DGKI: variants seen among roughly 807,000 people sequenced by gnomAD.
DGKI encodes the protein DAG kinase iota.
Under a neutral mutation model 147.5 loss-of-function variants are expected in DGKI, and 55 were observed. The observed-to-expected ratio is 0.37, with a 90% CI of 0.30 to 0.47. The LOEUF (loss-of-function observed/expected upper bound fraction) is 0.47. Among genes scored for constraint, DGKI ranks in the 20% least tolerant of loss-of-function variants. The pLI is 1.00. For synonymous variants in DGKI, 469 were observed against 477.1 expected (o/e 0.98, Z 0.22); for missense variants, 1,007 against 1,323.8 (o/e 0.76, Z 3.71).
chr7:137,717,972 T>C (rs3800636), intron 1 of DGKI, among the ~76,000 whole-genome samples: 71,904 of 152,020 alleles, frequency 0.47, 19,083 homozygotes, highest in African/African-American at 0.72. Context: ...GACCTATTCT[T>C]TTCTACCAGG....
chr7:137,703,018 C>T (rs776288298), intron 1 of DGKI, among the ~76,000 whole-genome samples: 7 of 152,228 alleles, frequency 4.6e-5, no homozygotes, highest in South Asian at 4.1e-4. Context: ...ATTTAGAAGA[C>T]CATGCACAGG....
intron 2 of DGKI, among the ~76,000 whole-genome samples, chr7:137,680,845 T>G (rs185466238): frequency 1.3e-5 from 2 of 152,254 alleles, no homozygotes; most frequent in East Asian, 3.9e-4. Context: ...AAATACCAAG[T>G]GTCACCCATC....
At position 137,552,204 on chromosome 7, in the gene DGKI, A is replaced by G. The variant is rs192813762; in HGVS notation, c.2147+165T>C. On this transcript the variant is annotated intron_variant, in intron 20 of 32. Coordinates refer to ENST00000614521, the MANE Select transcript of DGKI (RefSeq NM_001321708.2). ...GCATGGAACTGTATAATAAACAAGG[A>G]GAAAAAAACTCTATGTGTTCCTATG... is the stretch of plus-strand genomic sequence containing the variant. 3.2e-3 allele frequency among the ~76,000 whole-genome samples: 493 copies of G among 152,312 alleles called. 3 individuals carry two copies. Among genetic ancestry groups the G allele is most frequent in the Middle Eastern group, 0.02 (6 of 294 alleles).
intron 8 of DGKI, among the ~76,000 whole-genome samples, chr7:137,618,153 T>TGTATATATA (rs1563114668): frequency 9.3e-4 from 9 of 9,656 alleles, no homozygotes; most frequent in African/African-American, 1.7e-3. Flanking sequence ...ATATATATAT[T>TGTATATATA]TTTTTTTTTT....
chr7:137,469,535 A>T lies in DGKI; in HGVS notation c.2443+15T>A, dbSNP rs1388537079. On this transcript the variant is annotated intron_variant, in intron 24 of 32. Coordinates refer to ENST00000614521, the MANE Select transcript of DGKI (RefSeq NM_001321708.2). ...CCCCAACTCCCACGATACCCGCAAG[A>T]AAGGCAGAACTCACCATCTAGGAAG... 1.2e-6 allele frequency: 2 copies of T among 1,613,646 alleles called. No individual in the cohort carries two copies. Among genetic ancestry groups the T allele is most frequent in the Admixed American group, 1.7e-5 (1 of 59,988 alleles).
At chr7:137,513,908 G>A (rs1266120274) in intron 21 of DGKI, 13 of 740,028 alleles carry the variant, frequency 1.8e-5, no homozygotes, top group Non-Finnish European at 3.1e-5. Context: ...AAGCGCAAAA[G>A]AAGAAAGATG....
intron 2 of DGKI, among the ~76,000 whole-genome samples, chr7:137,682,224 T>C (rs1345837407): frequency 6.6e-6 from 1 of 152,126 alleles, no homozygotes; most frequent in Non-Finnish European, 1.5e-5. Flanking sequence ...CATAAAGTTG[T>C]CTAGCCTGGG....
chr7:137,704,072 G>A (rs1793925883), intron 1 of DGKI, among the ~76,000 whole-genome samples: 1 of 152,114 alleles, frequency 6.6e-6, no homozygotes, highest in Non-Finnish European at 1.5e-5. Context: ...TTAGCTGAGT[G>A]TGGCAGCACA....
intron 1 of DGKI, among the ~76,000 whole-genome samples, chr7:137,811,479 C>T (rs973114539): frequency 2.6e-5 from 4 of 151,080 alleles, no homozygotes; most frequent in African/African-American, 9.7e-5. Flanking sequence ...CCTCAGGAGA[C>T]AACAAACACA....
intron 1 of DGKI, among the ~76,000 whole-genome samples, chr7:137,717,491 C>T (rs1361260953): frequency 2.0e-5 from 3 of 152,222 alleles, no homozygotes; most frequent in Middle Eastern, 6.8e-3. Context: ...TTAGAAGATG[C>T]TATGGAGCTT....
intron 10 of DGKI, among the ~76,000 whole-genome samples, chr7:137,604,360 A>G (rs1045528184): frequency 2.6e-5 from 4 of 152,178 alleles, no homozygotes; most frequent in African/African-American, 9.6e-5. Context: ...TTGCTTGTCC[A>G]ATTATTTAGA....
chr7:137,608,021 G>A lies in DGKI; in HGVS notation c.1167+945C>T, dbSNP rs1378819034. On this transcript the variant is annotated intron_variant, in intron 10 of 32. Transcript: ENST00000614521. The stretch of plus-strand genomic sequence containing the variant: ...AAGCTCCCATAAGAGAAGTTTTATT[G>A]TAATTAATACATTCTGGACAATGCC... Among the ~76,000 whole-genome samples the A allele has an allele frequency of 5.3e-5, 8 of 152,136 alleles. No homozygotes were observed. In the East Asian group the frequency reaches 1.5e-3, roughly 29 times the overall value.
intron 1 of DGKI, among the ~76,000 whole-genome samples, chr7:137,836,052 G>T (rs1585552063): frequency 6.6e-6 from 1 of 152,166 alleles, no homozygotes; most frequent in East Asian, 1.9e-4. Context: ...GGTAAGCTGT[G>T]AAAGCACCAC....
At chr7:137,678,498 A>G (rs1823114738) in intron 3 of DGKI, 59 bp downstream of exon 3, 450 of 1,291,398 alleles carry the variant, frequency 3.5e-4, no homozygotes, top group Non-Finnish European at 4.7e-4. Flanking sequence ...AGGCAAGGTG[A>G]CCCCTCTATT....
At chr7:137,738,736 T>C (rs947189702) in intron 1 of DGKI, among the ~76,000 whole-genome samples, 32 of 132,506 alleles carry the variant, frequency 2.4e-4, no homozygotes, top group African/African-American at 8.0e-4. Context: ...CCCCCCCCCC[T>C]TTCCTTTTCA....
chr7:137,669,264 G>GAAC (rs906298401), intron 3 of DGKI, among the ~76,000 whole-genome samples: 2 of 152,112 alleles, frequency 1.3e-5, no homozygotes, highest in African/African-American at 2.4e-5. Flanking sequence ...ATGTGGCAGG[G>GAAC]AACAACAACA....
intron 12 of DGKI, among the ~76,000 whole-genome samples, chr7:137,587,515 A>G (rs1211514002): frequency 6.6e-6 from 1 of 152,212 alleles, no homozygotes; most frequent in East Asian, 1.9e-4. Context: ...CTTTGGTAGT[A>G]TAACAGGGCA....
At chr7:137,782,846 C>G (rs1231857031) in intron 1 of DGKI, among the ~76,000 whole-genome samples, 2 of 152,214 alleles carry the variant, frequency 1.3e-5, no homozygotes, top group Admixed American at 6.5e-5. Flanking sequence ...AGTACCAGCT[C>G]AGAGCTCTGT....
intron 1 of DGKI, among the ~76,000 whole-genome samples, chr7:137,809,266 G>C (rs541665481): frequency 6.6e-6 from 1 of 152,236 alleles, no homozygotes; most frequent in South Asian, 2.1e-4. Context: ...GGAGGCTACA[G>C]AATAGCAATA....
Sources: gnomAD v4.1 joint callset for allele counts (sites outside exome capture counted in the v4.1 genomes callset) on GRCh38, gnomAD v4.1.1 for gene constraint, MANE v1.5 for transcripts, NCBI Gene and HGNC (gene_info 2026-07-23, HGNC 2026-07-21) for gene names.